The following CADM2 variants were observed in gnomAD, a reference collection of about 807,000 sequenced individuals.
CADM2 encodes the protein immunoglobulin superfamily member 4D.
CADM2 carries 12 observed loss-of-function variants against 49.8 expected under a neutral mutation model. That is an observed-to-expected ratio of 0.24 (90% CI 0.15 to 0.39). The LOEUF (loss-of-function observed/expected upper bound fraction) is 0.39, where lower values mean the gene tolerates loss of function less well. Among genes scored for constraint, CADM2 ranks in the 10% least tolerant of loss-of-function variants. The pLI is 1.00. For synonymous variants in CADM2, 214 were observed against 175.4 expected, an observed-to-expected ratio of 1.22 and a Z score of -1.74; for missense variants, 378 against 492.3, an observed-to-expected ratio of 0.77 and a Z score of 2.20.
chr3:85,428,684 T>C (rs2036532727), intron 1 of CADM2, among the ~76,000 whole-genome samples: 1 of 146,786 alleles, frequency 6.8e-6, no homozygotes, highest in South Asian at 2.1e-4. Context: ...ATATATCATA[T>C]ATATATATAT....
intron 1 of CADM2, among the ~76,000 whole-genome samples, chr3:85,010,236 A>C (rs2033926564): frequency 1.3e-5 from 2 of 152,218 alleles, no homozygotes; most frequent in South Asian, 2.1e-4. Context: ...GTTCAATGAT[A>C]GTCACCTCTC....
intron 1 of CADM2, among the ~76,000 whole-genome samples, chr3:85,020,412 G>A (rs1463303572): frequency 6.6e-6 from 1 of 152,082 alleles, no homozygotes; most frequent in Non-Finnish European, 1.5e-5. Context: ...CCAAACATCA[G>A]CAACAAGTCA....
intron 1 of CADM2, among the ~76,000 whole-genome samples, chr3:85,312,435 A>G (rs2044368181): frequency 6.6e-6 from 1 of 152,054 alleles, no homozygotes; most frequent in African/African-American, 2.4e-5. Flanking sequence ...AATAAAACTA[A>G]TCTTTCTAAT....
At chr3:86,038,307 A>C (rs1348866870) in intron 8 of CADM2, among the ~76,000 whole-genome samples, 1 of 152,226 alleles carries the variant, frequency 6.6e-6, no homozygotes, top group Non-Finnish European at 1.5e-5. Context: ...TCAGAAAATA[A>C]AGAGCTTTGT....
At chr3:85,035,946 T>C (rs549286532) in intron 1 of CADM2, among the ~76,000 whole-genome samples, 1 of 152,352 alleles carries the variant, frequency 6.6e-6, no homozygotes, top group Non-Finnish European at 1.5e-5. Flanking sequence ...GTAACTGCTG[T>C]TTTATCTGCC....
At chr3:85,284,713 G>T (rs1016987204) in intron 1 of CADM2, among the ~76,000 whole-genome samples, 1 of 152,056 alleles carries the variant, frequency 6.6e-6, no homozygotes, top group African/African-American at 2.4e-5. Context: ...GAGGAAAAAA[G>T]GTAGGAATCA....
intron 1 of CADM2, among the ~76,000 whole-genome samples, chr3:85,236,059 C>T (rs909519243): frequency 3.9e-5 from 6 of 151,932 alleles, no homozygotes; most frequent in Admixed American, 1.3e-4. Flanking sequence ...TGTTATGCCG[C>T]CTCACAATTT....
At chr3:85,978,488 A>G (rs1251657227) in intron 8 of CADM2, among the ~76,000 whole-genome samples, 1 of 151,530 alleles carries the variant, frequency 6.6e-6, no homozygotes. Context: ...TAGTTGACTC[A>G]ATACTTGTTA....
At chr3:85,249,412 A>G (rs543604146) in intron 1 of CADM2, among the ~76,000 whole-genome samples, 13 of 152,108 alleles carry the variant, frequency 8.5e-5, no homozygotes, top group Admixed American at 4.6e-4. Context: ...AGTTGAAATG[A>G]TGTTTTTACA....
intron 1 of CADM2, among the ~76,000 whole-genome samples, chr3:85,433,584 G>T (rs1364798770): frequency 6.6e-6 from 1 of 152,100 alleles, no homozygotes; most frequent in Non-Finnish European, 1.5e-5. Context: ...CATGTAAGGA[G>T]CTAGCAAATA....
chr3:85,144,522 GA>G (rs1242703399), intron 1 of CADM2, among the ~76,000 whole-genome samples: 1 of 151,500 alleles, frequency 6.6e-6, no homozygotes, highest in African/African-American at 2.4e-5. Flanking sequence ...TGAGGCAGGA[GA>G]ATTGCTTGAA....
Position 85,098,925 on chromosome 3 carries a change from A to T in CADM2, c.61+139257A>T, listed in dbSNP as rs1488020208. 7.2e-5 allele frequency among the ~76,000 whole-genome samples: 11 copies of T among 152,330 alleles called. No individual in the cohort carries two copies. The East Asian group carries it at 1.9e-3, about 27-fold the overall frequency. On this transcript the variant is annotated intron_variant, in intron 1 of 9. Coordinates refer to ENST00000383699, the MANE Select transcript of CADM2 (RefSeq NM_001167675.2). ...TACACACTGCTTATTACTGTTTGGC[A>T]TGATTTCCTTCTTGGGCACACTACT...
chr3:85,223,724 G>T (rs940609150), intron 1 of CADM2, among the ~76,000 whole-genome samples: 13 of 151,932 alleles, frequency 8.6e-5, no homozygotes, highest in African/African-American at 2.9e-4. Context: ...ACTTACCTTA[G>T]ATATTTCGCC....
At chr3:85,582,394 T>A (rs1174264109) in intron 1 of CADM2, among the ~76,000 whole-genome samples, 1 of 151,872 alleles carries the variant, frequency 6.6e-6, no homozygotes, top group Admixed American at 6.6e-5. Context: ...TTCATTGATC[T>A]GCTTGTTAAA....
chr3:85,541,781 A>AT (rs2061553777), intron 1 of CADM2, among the ~76,000 whole-genome samples: 2 of 138,470 alleles, frequency 1.4e-5, no homozygotes, highest in Non-Finnish European at 3.1e-5. Context: ...TATTTTATAT[A>AT]TATATATATA....
chr3:85,475,517 A>G (rs1313676838), intron 1 of CADM2, among the ~76,000 whole-genome samples: 1 of 151,788 alleles, frequency 6.6e-6, no homozygotes, highest in African/African-American at 2.4e-5. Context: ...TTCTCTTTAC[A>G]TTTTTCATGA....
intron 8 of CADM2, among the ~76,000 whole-genome samples, chr3:86,023,364 GTTTGTTTGT>G (rs144028397): frequency 0.25 from 30,933 of 125,808 alleles, 3,629 homozygotes; most frequent in African/African-American, 0.43. Context: ...TTGTTTGTTT[GTTTGTTTGT>G]TTTGTTTTGT....
chr3:85,861,496 T>C (rs1414556441), intron 3 of CADM2, among the ~76,000 whole-genome samples: 1 of 152,120 alleles, frequency 6.6e-6, no homozygotes, highest in Admixed American at 6.5e-5. Context: ...AATTCTGTTT[T>C]AAACATGTTA....
chr3:85,587,711 T>C (rs533490107), intron 1 of CADM2, among the ~76,000 whole-genome samples: 9 of 151,964 alleles, frequency 5.9e-5, no homozygotes, highest in Non-Finnish European at 1.2e-4. Context: ...ACAAGAAACA[T>C]TGTGTCCATA....
Sources: allele counts gnomAD v4.1 joint callset (sites outside exome capture counted in the v4.1 genomes callset), GRCh38; gene constraint gnomAD v4.1.1; transcripts MANE v1.5; gene names NCBI Gene and HGNC (gene_info 2026-07-23, HGNC 2026-07-21).